FSTL3: variants seen among roughly 807,000 people sequenced by gnomAD.
FSTL3 encodes follistatin-related protein 3.
FSTL3 carries 21 observed loss-of-function variants against 28.1 expected under a neutral mutation model. The observed-to-expected ratio is 0.75, with a 90% CI of 0.53 to 1.08. The LOEUF is 1.08. Ranked by LOEUF, FSTL3 falls within the 50% of genes least tolerant of loss-of-function variation. The probability of loss-of-function intolerance (pLI) is 0.00; values close to 1 mark genes in which losing one functional copy is unlikely to be tolerated. For missense variants in FSTL3, 400 were observed against 380.9 expected (o/e 1.05, Z -0.42); for synonymous variants, 199 against 164.2 (o/e 1.21, Z -1.62).
chr19:677,579 G>T (rs1332264093), intron 1 of FSTL3, among the ~76,000 whole-genome samples: 1 of 145,176 alleles, frequency 6.9e-6, no homozygotes, highest in East Asian at 2.0e-4. Context: ...TGAGGCTGTG[G>T]GGGGGGGCAC....
intron 2 of FSTL3, among the ~76,000 whole-genome samples, chr19:678,994 C>T (rs753250909): frequency 7.0e-4 from 106 of 152,006 alleles, no homozygotes; most frequent in Non-Finnish European, 1.8e-4. Flanking sequence ...GCTGCAGACC[C>T]GAAGGCCAGG....
In FSTL3 at chr19:681,382, C is replaced by A. The variant is rs1241906412; in HGVS notation, c.555C>A (p.Asp185Glu). The A allele has an allele frequency of 6.3e-7, 1 of 1,591,998 alleles. No homozygotes were observed. Among genetic ancestry groups the A allele is most frequent in the Non-Finnish European group, 8.5e-7 (1 of 1,176,516 alleles). ...VCPRPQSCVV[D>E]QTGSAHCVVC... ...CGCGGCCACAGTCGTGCGTCGTGGA[C>A]CAGACGGGCAGCGCCCACTGCGTGG... The change falls in exon 4 of 5, where the codon GAC becomes GAA. Residue 185 changes from aspartate to glutamate, a missense_variant. Coordinates refer to ENST00000166139, the MANE Select transcript of FSTL3 (RefSeq NM_005860.3).
At position 682,934 on chromosome 19, in the gene FSTL3, AGT is replaced by A; in HGVS notation, c.*1228_*1229del. ...ACCACTAGGTGCCTGCTGCCTCCAC[AGT>A]GGGGTTCACACCCAGGGCTCCTTGG... On this transcript the variant is annotated 3_prime_UTR_variant, in exon 5 of 5. Transcript: ENST00000166139. 4.3e-6 allele frequency: 1 copy of A among 232,768 alleles called. No homozygotes were observed. The highest frequency in any genetic ancestry group is 8.5e-6 in the Non-Finnish European group (1 of 117,798). 14.4% of individuals were successfully genotyped at this position (232,768 alleles called of 1,614,324 possible). A position where few individuals can be genotyped will look rare whatever the true frequency, so the allele number is the denominator to read the frequency against.
intron 2 of FSTL3, among the ~76,000 whole-genome samples, chr19:679,164 G>T (rs572041431): frequency 6.6e-6 from 1 of 152,246 alleles, no homozygotes; most frequent in Admixed American, 6.5e-5. Context: ...GCATGAGACG[G>T]CCCAGGACCC....
chr19:679,393 C>G (rs2031277659), intron 2 of FSTL3, among the ~76,000 whole-genome samples: 1 of 152,180 alleles, frequency 6.6e-6, no homozygotes. Context: ...GCTCCCTCGT[C>G]AGCCCCACTT....
In FSTL3 at chr19:683,125, C is replaced by G. The variant is rs1271783052; in HGVS notation, c.*1417C>G. ...CTCCATCTGCGTTGATGCTCAGAAT[C>G]GCCTACCTGTGCCTGCGTGTAAACC... On this transcript the variant is annotated 3_prime_UTR_variant, in exon 5 of 5. Coordinates refer to ENST00000166139, the MANE Select transcript of FSTL3 (RefSeq NM_005860.3). 4.3e-6 allele frequency: 1 copy of G among 233,208 alleles called. No individual in the cohort carries two copies. The highest frequency in any genetic ancestry group is 8.5e-6 in the Non-Finnish European group (1 of 117,728). 14.4% of individuals were successfully genotyped at this position (233,208 alleles called of 1,614,324 possible).
In FSTL3 at chr19:682,794, G is replaced by C. The variant is rs963184292; in HGVS notation, c.*1086G>C. 4.3e-6 allele frequency: 1 copy of C among 233,070 alleles called. No homozygotes were observed. The highest frequency in any genetic ancestry group is 8.5e-6 in the Non-Finnish European group (1 of 117,996). The allele number at this position is 233,070 out of a possible 1,614,324, so 14.4% of individuals were successfully genotyped here. A position where few individuals can be genotyped will look rare whatever the true frequency, so the allele number is the denominator to read the frequency against. ...CGGCGGAGCCAAGTCCACTCTGGGGGAGCTCTGGCGGGGACCACGGGCCAC... is the reference window on the plus strand; with the variant it reads ...CGGCGGAGCCAAGTCCACTCTGGGGCAGCTCTGGCGGGGACCACGGGCCAC... On this transcript the variant is annotated 3_prime_UTR_variant, in exon 5 of 5. Coordinates refer to ENST00000166139, the MANE Select transcript of FSTL3 (RefSeq NM_005860.3).
intron 2 of FSTL3, among the ~76,000 whole-genome samples, chr19:679,795 G>A (rs2031286191): frequency 6.6e-6 from 1 of 152,056 alleles, no homozygotes; most frequent in South Asian, 2.1e-4. Flanking sequence ...GCCGTCCAGC[G>A]CCCCGCCCTC....
At chr19:680,531 A>C in intron 3 of FSTL3, 42 bp downstream of exon 3, 5 of 907,664 alleles carry the variant, frequency 5.5e-6, no homozygotes, top group East Asian at 7.2e-5. Flanking sequence ...GGCGGGACCT[A>C]CCGGACCTGC....
rs980266465 is a variant in FSTL3, at chr19:678,505, T to G, written c.289+528T>G. 3.6e-5 allele frequency among the ~76,000 whole-genome samples: 4 copies of G among 109,788 alleles called. 1 individual carries two copies. Among genetic ancestry groups the G allele is most frequent in the African/African-American group, 1.6e-4 (4 of 25,272 alleles). The allele number at this position is 109,788 out of a possible 152,430, so 72.0% of individuals were successfully genotyped here. A position where few individuals can be genotyped will look rare whatever the true frequency, so the allele number is the denominator to read the frequency against. On this transcript the variant is annotated intron_variant, in intron 2 of 4. Coordinates refer to ENST00000166139, the MANE Select transcript of FSTL3 (RefSeq NM_005860.3). Reference sequence around the variant, plus strand: ...TCCGCACTGGAGGATGATGGTTTTTTTTTTTTTTTTTTTTTTTTTTCCTGA... The same window carrying G: ...TCCGCACTGGAGGATGATGGTTTTTGTTTTTTTTTTTTTTTTTTTTCCTGA...
intron 2 of FSTL3, among the ~76,000 whole-genome samples, chr19:678,512 T>TTG (rs2031259429): frequency 8.1e-6 from 1 of 123,764 alleles, no homozygotes; most frequent in Non-Finnish European, 1.7e-5. Context: ...TTTTTTTTTT[T>TTG]TTTTTTTTTT....
chr19:680,331 G>A lies in FSTL3; in HGVS notation c.347G>A (p.Arg116His), dbSNP rs1180667658. 8 of 1,280,226 alleles carry A rather than the reference G, an allele frequency of 6.2e-6. No homozygotes were observed. Among genetic ancestry groups the A allele is most frequent in the African/African-American group, 6.2e-5 (4 of 64,038 alleles). The allele number at this position is 1,280,226 out of a possible 1,614,324, so 79.3% of individuals were successfully genotyped here. Reference protein sequence around the residue: ...PGKACRMLGGRPRCECAPDCS... With the variant: ...PGKACRMLGGHPRCECAPDCS... ...AAGGCGTGCCGCATGCTGGGGGGCC[G>A]CCCGCGCTGCGAGTGCGCGCCCGAC... is the stretch of plus-strand genomic sequence containing the variant. Residue 116 changes from arginine to histidine, a missense_variant, in exon 3 of 5, where the codon CGC (arginine) becomes CAC (histidine). Physicochemically the swap from Arg to His is conservative, Grantham distance 29. Coordinates refer to ENST00000166139, the MANE Select transcript of FSTL3 (RefSeq NM_005860.3).
At chr19:680,196 G>A (rs2144799852) in intron 2 of FSTL3, 78 bp from the exon 3 acceptor site, 3 of 933,768 alleles carry the variant, frequency 3.2e-6, no homozygotes, top group Non-Finnish European at 4.2e-6. Context: ...GCGCAGGGAG[G>A]GGCCCCGAGG....
rs2031372790 is a variant in FSTL3, at chr19:683,004, C to T, written c.*1296C>T. The T allele has an allele frequency of 8.6e-6, 2 of 233,350 alleles. No individual in the cohort carries two copies. Among genetic ancestry groups the T allele is most frequent in the East Asian group, 1.2e-4 (2 of 16,558 alleles). 14.5% of individuals were successfully genotyped at this position (233,350 alleles called of 1,614,324 possible). On this transcript the variant is annotated 3_prime_UTR_variant, in exon 5 of 5. Coordinates refer to ENST00000166139, the MANE Select transcript of FSTL3 (RefSeq NM_005860.3). ...CGGCCAGGCCTGCAGACCCAGACTC[C>T]AGCCAGACCTGCCTCACCCACCAAT... is the stretch of plus-strand genomic sequence containing the variant.
At chr19:678,845 A>G (rs974440648) in intron 2 of FSTL3, among the ~76,000 whole-genome samples, 1 of 151,844 alleles carries the variant, frequency 6.6e-6, no homozygotes, top group Non-Finnish European at 1.5e-5. Context: ...TGGGCATTAG[A>G]GCTGGGGTGT....
chr19:678,356 C>G (rs188885899), intron 2 of FSTL3, among the ~76,000 whole-genome samples: 3 of 152,172 alleles, frequency 2.0e-5, no homozygotes, highest in Non-Finnish European at 4.4e-5. Context: ...CCAGGGTCTG[C>G]GGTGGGGTTA....
At chr19:677,749 G>T (rs764664559) in intron 1 of FSTL3, 43 bp from the exon 2 acceptor site, 26 of 1,551,212 alleles carry the variant, frequency 1.7e-5, no homozygotes, top group Non-Finnish European at 2.1e-5. Context: ...GAAGCTGGGT[G>T]TCAGGAGTGG....
At chr19:679,291 G>A (rs907146847) in intron 2 of FSTL3, among the ~76,000 whole-genome samples, 2 of 152,186 alleles carry the variant, frequency 1.3e-5, no homozygotes, top group African/African-American at 2.4e-5. Flanking sequence ...CGCTGTGCCG[G>A]GGCCGCCCAG....
At chr19:677,535 G>A (rs2031239014) in intron 1 of FSTL3, among the ~76,000 whole-genome samples, 1 of 139,784 alleles carries the variant, frequency 7.2e-6, no homozygotes, top group African/African-American at 2.6e-5. Flanking sequence ...GAGGGTACGG[G>A]AAGGGACCTC....
Sources: gnomAD v4.1 joint callset for allele counts (sites outside exome capture counted in the v4.1 genomes callset) on GRCh38, gnomAD v4.1.1 for gene constraint, MANE v1.5 for transcripts, NCBI Gene and HGNC (gene_info 2026-07-23, HGNC 2026-07-21) for gene names.